The following TRIP12 variants were observed in gnomAD, a reference collection of about 807,000 sequenced individuals.
TRIP12 encodes the protein E3 ubiquitin-protein ligase TRIP12.
Under a neutral mutation model 244.2 loss-of-function variants are expected in TRIP12, and 25 were observed. The ratio of observed to expected loss-of-function variants is 0.10; its 90% CI spans 0.07 to 0.14. TRIP12 has a LOEUF of 0.14. TRIP12 is among the 10% of genes least tolerant of loss of function. The pLI is 1.00. For synonymous variants in TRIP12, 905 were observed against 873.1 expected, an observed-to-expected ratio of 1.04 and a Z score of -0.64; for missense variants, 1,677 against 2,486.4, an observed-to-expected ratio of 0.67 and a Z score of 6.92.
intron 34 of TRIP12, among the ~76,000 whole-genome samples, chr2:229,782,611 A>G (rs778607319): frequency 6.6e-6 from 1 of 152,222 alleles, no homozygotes; most frequent in Non-Finnish European, 1.5e-5. Context: ...TCCAGTACAC[A>G]ACAACTTATA....
At chr2:229,866,602 AGAGTT>A (rs540837170) in intron 2 of TRIP12, among the ~76,000 whole-genome samples, 8 of 152,226 alleles carry the variant, frequency 5.3e-5, no homozygotes, top group Non-Finnish European at 1.2e-4. Context: ...TGCCTCTGAT[AGAGTT>A]GAGAACCATT....
Position 229,873,091 on chromosome 2 carries a change from C to G in TRIP12, c.98+6891G>C, listed in dbSNP as rs188634753. 3.5e-3 allele frequency among the ~76,000 whole-genome samples: 529 copies of G among 152,292 alleles called. 1 individual carries two copies. The highest frequency in any genetic ancestry group is 4.7e-3 in the Admixed American group (72 of 15,290). ...CAGCCAGACTCATTCTTTAAACCTA[C>G]TTTTTCAATGTGACCTCATTACTAG... On this transcript the variant is annotated intron_variant, in intron 2 of 41. Transcript: ENST00000675903.
intron 4 of TRIP12, among the ~76,000 whole-genome samples, chr2:229,848,803 A>T (rs914949980): frequency 4.6e-5 from 7 of 152,210 alleles, no homozygotes; most frequent in African/African-American, 1.7e-4. Context: ...GACAGAATAC[A>T]CTATATAATT....
chr2:229,807,607 A>T (rs1258853602), intron 17 of TRIP12, 101 bp downstream of exon 17: 1 of 1,418,900 alleles, frequency 7.0e-7, no homozygotes, highest in African/African-American at 1.4e-5. Flanking sequence ...GTTAATTCAA[A>T]ATCAAGCACA....
intron 1 of TRIP12, among the ~76,000 whole-genome samples, chr2:229,909,177 T>C (rs554469620): frequency 2.0e-5 from 3 of 152,062 alleles, no homozygotes; most frequent in East Asian, 3.9e-4. Flanking sequence ...GGCCAAGGAC[T>C]ACATTTTATA....
At chr2:229,882,725 T>A (rs914062834) in intron 1 of TRIP12, among the ~76,000 whole-genome samples, 1 of 152,226 alleles carries the variant, frequency 6.6e-6, no homozygotes, top group Non-Finnish European at 1.5e-5. Context: ...GCCCACCTTC[T>A]GCTATTAAAC....
At position 229,802,378 on chromosome 2, in the gene TRIP12, C is replaced by A. The variant is rs779983740; in HGVS notation, c.3080G>T (p.Gly1027Val). 2 of 1,613,946 alleles carry A rather than the reference C, an allele frequency of 1.2e-6. No homozygotes were observed. The highest frequency in any genetic ancestry group is 1.7e-6 in the Non-Finnish European group (2 of 1,179,966). The change falls in exon 21 of 42, where the codon GGA (glycine) becomes GTA (valine). Residue 1027 changes from glycine to valine, a missense_variant. Physicochemically the swap from Gly to Val is moderately radical, Grantham distance 109. Around this residue, in one of 11 missense-constraint regions of TRIP12, gnomAD observed 572 missense variants for 867.8 expected, o/e 0.66. Transcript: ENST00000675903. ...SPPKACTNGS[G>V]SMGSTTSVSS... is the part of the protein sequence containing the mutation. ...GACTGAAGTTGTGGATCCCATGGAT[C>A]CCGATCCATTCGTACATGCCTTTGG...
intron 4 of TRIP12, among the ~76,000 whole-genome samples, chr2:229,847,732 T>C (rs2057861630): frequency 6.6e-6 from 1 of 152,198 alleles, no homozygotes; most frequent in Non-Finnish European, 1.5e-5. Context: ...GGATTAAAAC[T>C]GAAGATTGGC....
At chr2:229,795,433 G>T in intron 25 of TRIP12, 103 bp from the exon 26 acceptor site, 1 of 1,329,004 alleles carries the variant, frequency 7.5e-7, no homozygotes, top group South Asian at 1.5e-5. Context: ...AGAATAATTT[G>T]TCTATTCATC....
At chr2:229,921,345 C>G (rs529590374) in intron 1 of TRIP12, 1 of 152,858 alleles carries the variant, frequency 6.5e-6, no homozygotes, top group Admixed American at 6.5e-5. Context: ...GGAGCTGCTT[C>G]CTAGTTTCCA....
At chr2:229,874,169 GA>G (rs1161009544) in intron 2 of TRIP12, among the ~76,000 whole-genome samples, 8 of 152,010 alleles carry the variant, frequency 5.3e-5, no homozygotes, top group African/African-American at 1.7e-4. Context: ...AAACAGCTCA[GA>G]AAATAAATGA....
intron 25 of TRIP12, 47 bp from the exon 26 acceptor site, chr2:229,795,377 CA>C: frequency 6.4e-7 from 1 of 1,558,742 alleles, no homozygotes; most frequent in Non-Finnish European, 8.7e-7. Flanking sequence ...CTTTTCAAAA[CA>C]AAAGTCTCCT....
intron 8 of TRIP12, among the ~76,000 whole-genome samples, chr2:229,828,485 A>T (rs532282079): frequency 3.3e-5 from 5 of 152,266 alleles, no homozygotes; most frequent in South Asian, 4.1e-4. Flanking sequence ...CAATTCAAGG[A>T]AACAGGCCGG....
At chr2:229,916,450 G>C (rs1471231788) in intron 1 of TRIP12, among the ~76,000 whole-genome samples, 9 of 152,166 alleles carry the variant, frequency 5.9e-5, no homozygotes, top group Admixed American at 5.9e-4. Context: ...CAGTATTTGG[G>C]AGGCTGAGGC....
rs989049313 is a variant in TRIP12, at chr2:229,766,492, A to G, written c.*1062T>C. On this transcript the variant is annotated 3_prime_UTR_variant, in exon 42 of 42. Transcript: ENST00000675903. ...GACAGCATTGCTTACAGGTGCTTTTATCTGCGTCGAGACAAAGGCTGAACT... is the reference window on the plus strand; with the variant it reads ...GACAGCATTGCTTACAGGTGCTTTTGTCTGCGTCGAGACAAAGGCTGAACT... The G allele has an allele frequency of 2.6e-5, 4 of 152,220 alleles. No individual in the cohort carries two copies. Among genetic ancestry groups the G allele is most frequent in the African/African-American group, 9.6e-5 (4 of 41,462 alleles). 9.4% of individuals were successfully genotyped at this position (152,220 alleles called of 1,614,324 possible).
chr2:229,768,912 A>G (rs746358815), intron 40 of TRIP12, among the ~76,000 whole-genome samples, 193 bp from the exon 41 acceptor site: 1 of 152,240 alleles, frequency 6.6e-6, no homozygotes, highest in East Asian at 1.9e-4. Context: ...TACAGTTGTA[A>G]TAAGTAAGAC....
intron 1 of TRIP12, among the ~76,000 whole-genome samples, chr2:229,885,069 T>C (rs550440568): frequency 6.6e-6 from 1 of 152,292 alleles, no homozygotes; most frequent in African/African-American, 2.4e-5. Flanking sequence ...GATTACATAA[T>C]ACCACATATT....
intron 4 of TRIP12, among the ~76,000 whole-genome samples, chr2:229,851,462 A>C (rs2058684706): frequency 6.6e-6 from 1 of 151,960 alleles, no homozygotes; most frequent in African/African-American, 2.4e-5. Flanking sequence ...AAAACAGACC[A>C]CTCGGCTCTA....
intron 34 of TRIP12, among the ~76,000 whole-genome samples, chr2:229,782,120 A>T (rs2154249803): frequency 6.6e-6 from 1 of 152,292 alleles, no homozygotes; most frequent in Non-Finnish European, 1.5e-5. Context: ...CTAAAAACAT[A>T]CCAAATGGTT....
Sources: allele counts gnomAD v4.1 joint callset (sites outside exome capture counted in the v4.1 genomes callset), GRCh38; gene constraint gnomAD v4.1.1; regional missense constraint gnomAD v4.1.1; transcripts MANE v1.5; gene names NCBI Gene and HGNC (gene_info 2026-07-23, HGNC 2026-07-21).